Variants in CDH22 observed in about 807,000 individuals in gnomAD.
CDH22 encodes the protein cadherin 22, also known as cadherin-22.
Under a neutral mutation model 58.4 loss-of-function variants are expected in CDH22, and 30 were observed. That is an observed-to-expected ratio of 0.51 (90% CI 0.38 to 0.70). The LOEUF (loss-of-function observed/expected upper bound fraction) is 0.70. CDH22 is among the 30% of genes least tolerant of loss of function. The probability of loss-of-function intolerance (pLI) is 0.00; values close to 1 mark genes in which losing one functional copy is unlikely to be tolerated. For synonymous variants in CDH22, 513 were observed against 558.2 expected (o/e 0.92, Z 1.14); for missense variants, 1,014 against 1,233.9 (o/e 0.82, Z 2.67).
rs765115584 is a variant in CDH22 at position 46,227,647 on chromosome 20, C to G, written c.551-20G>C. Reference sequence around the variant, plus strand: ...ACGTGCCTGGGCCCGGGGGACCAAGCGAGACAGGGGTCATCTGGGGCTGCG... The same window carrying G: ...ACGTGCCTGGGCCCGGGGGACCAAGGGAGACAGGGGTCATCTGGGGCTGCG... On this transcript the variant is annotated intron_variant, in intron 3 of 11. Transcript: ENST00000537909. 6.2e-7 allele frequency: 1 copy of G among 1,602,314 alleles called. No individual in the cohort carries two copies. The highest frequency in any genetic ancestry group is 1.1e-5 in the South Asian group (1 of 89,096).
chr20:46,238,425 T>C (rs1259799548), intron 3 of CDH22, among the ~76,000 whole-genome samples: 1 of 152,204 alleles, frequency 6.6e-6, no homozygotes, highest in Non-Finnish European at 1.5e-5. Context: ...CCATATGTCT[T>C]TGCCATTGAT....
chr20:46,182,358 G>A (rs1600684887), intron 10 of CDH22, among the ~76,000 whole-genome samples: 1 of 152,232 alleles, frequency 6.6e-6, no homozygotes, highest in East Asian at 1.9e-4. Context: ...AGGAGTCGAT[G>A]TGGAAGAACA....
intron 1 of CDH22, among the ~76,000 whole-genome samples, chr20:46,279,793 A>G (rs1219944745): frequency 6.6e-6 from 1 of 152,240 alleles, no homozygotes; most frequent in East Asian, 1.9e-4. Flanking sequence ...ATTATTTTTA[A>G]AAGAAATTAA....
rs140390166 is a variant in CDH22 at position 46,234,648 on chromosome 20, G to A, written c.550+6315C>T. Among the ~76,000 whole-genome samples the A allele has an allele frequency of 7.7e-3, 1,179 of 152,236 alleles. 19 individuals are homozygous for A. Among genetic ancestry groups the A allele is most frequent in the Admixed American group, 0.027 (409 of 15,290 alleles). On this transcript the variant is annotated intron_variant, in intron 3 of 11. Transcript: ENST00000537909. ...TGTTGAGCCCCAATCCCATGGTCTGGCAATGTCAATTCTATGGCATGTGCG... is the reference window on the plus strand; with the variant it reads ...TGTTGAGCCCCAATCCCATGGTCTGACAATGTCAATTCTATGGCATGTGCG...
intron 3 of CDH22, among the ~76,000 whole-genome samples, chr20:46,232,542 A>G (rs953495766): frequency 2.0e-5 from 3 of 152,190 alleles, no homozygotes; most frequent in African/African-American, 7.2e-5. Flanking sequence ...AATTATTATC[A>G]TCCTGCCTCT....
At chr20:46,219,096 T>C (rs1270528881) in intron 4 of CDH22, among the ~76,000 whole-genome samples, 1 of 152,200 alleles carries the variant, frequency 6.6e-6, no homozygotes, top group Non-Finnish European at 1.5e-5. Flanking sequence ...TTTCTGTGTG[T>C]ACCTGTGGTA....
At chr20:46,283,325 C>T (rs2145769540) in intron 1 of CDH22, among the ~76,000 whole-genome samples, 1 of 152,256 alleles carries the variant, frequency 6.6e-6, no homozygotes, top group Non-Finnish European at 1.5e-5. Flanking sequence ...ATTACACAGA[C>T]TCAGATTCCG....
In CDH22 at chr20:46,174,833, G is replaced by T. The variant is rs954866963; in HGVS notation, c.2160C>A (p.Ser720Arg). The change falls in exon 12 of 12, where the codon AGC becomes AGA. Residue 720 changes from serine (S) to arginine (R), a missense_variant. Coordinates refer to ENST00000537909, the MANE Select transcript of CDH22 (RefSeq NM_021248.3). This position sits in a 1 kb window ranked among gnomAD's most constrained non-coding sequence, Gnocchi z 4.4. The part of the protein sequence containing the change: ...AGGGSGGGAG[S>R]PPQAHLPSER... Reference sequence around the variant, plus strand: ...CGGAGGGCAGGTGGGCCTGCGGGGGGCTGCCCGCGCCCCCGCCCGAGCCCC... The same window carrying T: ...CGGAGGGCAGGTGGGCCTGCGGGGGTCTGCCCGCGCCCCCGCCCGAGCCCC... The T allele has an allele frequency of 2.2e-6, 3 of 1,387,116 alleles. No individual in the cohort carries two copies. The highest frequency in any genetic ancestry group is 1.5e-5 in the African/African-American group (1 of 66,592). The allele number at this position is 1,387,116 out of a possible 1,614,324, so 85.9% of individuals were successfully genotyped here. A position where few individuals can be genotyped will look rare whatever the true frequency, so the allele number is the denominator to read the frequency against.
chr20:46,302,739 A>G (rs1418845104), intron 1 of CDH22, among the ~76,000 whole-genome samples: 6 of 151,696 alleles, frequency 4.0e-5, no homozygotes, highest in Non-Finnish European at 7.4e-5. Context: ...CAGCATCCCC[A>G]CTCATGTATC....
At chr20:46,217,795 A>ACAT (rs1351892265) in intron 4 of CDH22, among the ~76,000 whole-genome samples, 1 of 152,164 alleles carries the variant, frequency 6.6e-6, no homozygotes, top group Non-Finnish European at 1.5e-5. Flanking sequence ...ACACATTCAC[A>ACAT]CATACTCTCA....
chr20:46,232,465 A>G (rs1260125201), intron 3 of CDH22, among the ~76,000 whole-genome samples: 6 of 152,310 alleles, frequency 3.9e-5, no homozygotes, highest in African/African-American at 1.4e-4. Context: ...AAAGAGATGA[A>G]GCACTTTGGA....
chr20:46,196,817 C>T (rs1276888834), intron 8 of CDH22, among the ~76,000 whole-genome samples: 3 of 152,182 alleles, frequency 2.0e-5, no homozygotes, highest in Non-Finnish European at 4.4e-5. Flanking sequence ...CTACAGATAC[C>T]ATCAACTGAG....
chr20:46,219,664 G>A (rs1046897645), intron 4 of CDH22: 1 of 152,210 alleles, frequency 6.6e-6, no homozygotes, highest in Non-Finnish European at 1.5e-5. Context: ...TTCATCTCAT[G>A]AGAATTACAT....
chr20:46,250,987 G>A (rs1249906843), intron 2 of CDH22, 53 bp downstream of exon 2: 4 of 1,086,376 alleles, frequency 3.7e-6, no homozygotes, highest in East Asian at 2.5e-5. Flanking sequence ...GTATCTACCC[G>A]TGGGTGTCCC....
At chr20:46,277,896 C>T (rs1027185422) in intron 1 of CDH22, among the ~76,000 whole-genome samples, 1 of 151,678 alleles carries the variant, frequency 6.6e-6, no homozygotes, top group African/African-American at 2.4e-5. Context: ...GGGGCGGTAG[C>T]TGGAGAGGAA....
At chr20:46,264,955 C>T (rs994104729) in intron 1 of CDH22, among the ~76,000 whole-genome samples, 1 of 152,220 alleles carries the variant, frequency 6.6e-6, no homozygotes, top group African/African-American at 2.4e-5. Context: ...GCTAGCACTG[C>T]TCACCTGCCC....
rs1555803333 is a variant in CDH22, at chr20:46,223,697, C to CTTTCTTTT, written c.670+3810_670+3811insAAAAGAAA. Among the ~76,000 whole-genome samples, 8 of 67,116 alleles carry CTTTCTTTT rather than the reference C, an allele frequency of 1.2e-4. No individual in the cohort carries two copies. The East Asian group carries it at 2.7e-3, about 22-fold the overall frequency. The allele number at this position is 67,116 out of a possible 152,430, so 44.0% of individuals were successfully genotyped here. Reference sequence around the variant, plus strand: ...TCTTTCTTTCTTTCTTTCTTTCTTTCTTTCTTTCTTTCTTTCTTTTTCTTT... The same window carrying CTTTCTTTT: ...TCTTTCTTTCTTTCTTTCTTTCTTTCTTTCTTTTTTTCTTTCTTTCTTTCTTTTTCTTT... On this transcript the variant is annotated intron_variant, in intron 4 of 11. Transcript: ENST00000537909.
At chr20:46,186,493 C>G in intron 10 of CDH22, 95 bp downstream of exon 10, 1 of 867,808 alleles carries the variant, frequency 1.2e-6, no homozygotes, top group Non-Finnish European at 1.8e-6. Flanking sequence ...CCAACATAGG[C>G]CCTGTGGGCG....
At chr20:46,307,594 G>T (rs1023020829) in intron 1 of CDH22, among the ~76,000 whole-genome samples, 1 of 152,152 alleles carries the variant, frequency 6.6e-6, no homozygotes, top group South Asian at 2.1e-4. Flanking sequence ...CATAGGGCAG[G>T]GGGGGTCGCG....
Sources: gnomAD v4.1 joint callset for allele counts (sites outside exome capture counted in the v4.1 genomes callset) on GRCh38, gnomAD v4.1.1 for gene constraint, Gnocchi (gnomAD v3.1) non-coding constraint, MANE v1.5 for transcripts, NCBI Gene and HGNC (gene_info 2026-07-23, HGNC 2026-07-21) for gene names.